The following SHROOM3 variants were observed in gnomAD, a reference collection of about 807,000 sequenced individuals.
SHROOM3 encodes protein Shroom3.
SHROOM3 carries 47 observed loss-of-function variants against 138.6 expected under a neutral mutation model. The ratio of observed to expected loss-of-function variants is 0.34; its 90% confidence interval spans 0.27 to 0.43. The LOEUF is 0.43. Ranked by LOEUF, SHROOM3 falls within the 20% of genes least tolerant of loss-of-function variation. SHROOM3 has a pLI of 1.00. For missense variants in SHROOM3, 2,491 were observed against 2,596.5 expected, an observed-to-expected ratio of 0.96 and a Z score of 0.88; for synonymous variants, 1,062 against 1,063.3, an observed-to-expected ratio of 1.00 and a Z score of 0.02.
chr4:76,736,575 C>G (rs941117192), intron 4 of SHROOM3, among the ~76,000 whole-genome samples: 1 of 152,124 alleles, frequency 6.6e-6, no homozygotes, highest in African/African-American at 2.4e-5. Context: ...TACATGTAAT[C>G]TAGAAATAGA....
chr4:76,672,011 T>C (rs1231347126), intron 2 of SHROOM3, among the ~76,000 whole-genome samples: 1 of 152,178 alleles, frequency 6.6e-6, no homozygotes, highest in East Asian at 1.9e-4. Context: ...GTATTAGGGA[T>C]ACTCAACATA....
chr4:76,661,587 C>T (rs572122113), intron 2 of SHROOM3, among the ~76,000 whole-genome samples: 3 of 152,252 alleles, frequency 2.0e-5, no homozygotes, highest in South Asian at 2.1e-4. Flanking sequence ...CTTTCCAGTC[C>T]GCTCTGCACC....
chr4:76,536,729 C>G (rs1290234031), intron 1 of SHROOM3, among the ~76,000 whole-genome samples: 1 of 152,212 alleles, frequency 6.6e-6, no homozygotes, highest in Non-Finnish European at 1.5e-5. Flanking sequence ...TCACTTCTCT[C>G]TCTTATTTTA....
At chr4:76,630,275 A>G (rs1735277601) in intron 2 of SHROOM3, among the ~76,000 whole-genome samples, 1 of 152,232 alleles carries the variant, frequency 6.6e-6, no homozygotes, top group Non-Finnish European at 1.5e-5. Flanking sequence ...CAGCGGGACC[A>G]GGAGTGCCTA....
At chr4:76,533,284 A>C (rs1732871677) in intron 1 of SHROOM3, among the ~76,000 whole-genome samples, 1 of 152,218 alleles carries the variant, frequency 6.6e-6, no homozygotes, top group Admixed American at 6.5e-5. Flanking sequence ...CCCTGGGCAC[A>C]GTTCCCTATT....
chr4:76,678,422 T>G (rs1304968964), intron 2 of SHROOM3, among the ~76,000 whole-genome samples: 1 of 152,196 alleles, frequency 6.6e-6, no homozygotes, highest in Non-Finnish European at 1.5e-5. Flanking sequence ...CTAGCAACTT[T>G]TCTTGCTTTT....
chr4:76,506,038 G>A lies in SHROOM3; in HGVS notation c.169-49571G>A, dbSNP rs953895070. On this transcript the variant is annotated intron_variant, in intron 1 of 10. Transcript: ENST00000296043. ...GCACATATACACCATAGAATACTAC[G>A]TAGCCATAAAAAAGGATGAGTTCAT... is the stretch of plus-strand genomic sequence containing the variant. Among the ~76,000 whole-genome samples the A allele has an allele frequency of 1.0e-3, 156 of 152,174 alleles. 1 individual carries two copies. The highest frequency in any genetic ancestry group is 6.5e-4 in the African/African-American group (27 of 41,498).
intron 2 of SHROOM3, among the ~76,000 whole-genome samples, chr4:76,690,748 T>G (rs1719505127): frequency 6.6e-6 from 1 of 152,160 alleles, no homozygotes; most frequent in South Asian, 2.1e-4. Flanking sequence ...AGGTGTAATA[T>G]ACAGAGAAAG....
At chr4:76,523,461 A>G (rs1386911173) in intron 1 of SHROOM3, among the ~76,000 whole-genome samples, 2 of 152,172 alleles carry the variant, frequency 1.3e-5, no homozygotes, top group Non-Finnish European at 2.9e-5. Flanking sequence ...AGCATGTACA[A>G]TGTAGCAAAA....
intron 1 of SHROOM3, chr4:76,509,816 A>G (rs1281351960): frequency 6.6e-6 from 1 of 152,148 alleles, no homozygotes; most frequent in Non-Finnish European, 1.5e-5. Context: ...AATTTTTTCC[A>G]TATAGAATTA....
At chr4:76,700,944 C>T (rs1022694396) in intron 2 of SHROOM3, among the ~76,000 whole-genome samples, 4 of 152,088 alleles carry the variant, frequency 2.6e-5, no homozygotes, top group African/African-American at 9.7e-5. Context: ...GCCACCACAA[C>T]CAGCTAGTTT....
In SHROOM3 at chr4:76,738,823, G is replaced by A; in HGVS notation, c.650G>A (p.Cys217Tyr). The A allele has an allele frequency of 6.2e-7, 1 of 1,614,190 alleles. No homozygotes were observed. The highest frequency in any genetic ancestry group is 8.5e-7 in the Non-Finnish European group (1 of 1,180,020). The stretch of plus-strand genomic sequence containing the variant: ...TATCTAAGGCGGAGCCCTGACCAGT[G>A]CAGCTCCCAGGGGAGCATGGAGAGC... Reference protein sequence around the residue: ...HAYLRRSPDQCSSQGSMESLE... With the variant: ...HAYLRRSPDQYSSQGSMESLE... Residue 217 changes from cysteine to tyrosine, a missense_variant, in exon 5 of 11, where the codon TGC becomes TAC. Transcript: ENST00000296043.
chr4:76,501,291 T>A (rs1344023275), intron 1 of SHROOM3, among the ~76,000 whole-genome samples: 1 of 152,232 alleles, frequency 6.6e-6, no homozygotes, highest in Non-Finnish European at 1.5e-5. Flanking sequence ...TTAATTTTAA[T>A]ATACTCTATA....
intron 1 of SHROOM3, among the ~76,000 whole-genome samples, chr4:76,554,539 C>A (rs924137963): frequency 6.6e-6 from 1 of 151,698 alleles, no homozygotes; most frequent in African/African-American, 2.4e-5. Flanking sequence ...CCTGCCTCAG[C>A]CTCCTGAGTA....
chr4:76,769,925 CTT>C (rs1272982293), intron 9 of SHROOM3, among the ~76,000 whole-genome samples: 1 of 152,198 alleles, frequency 6.6e-6, no homozygotes, highest in Non-Finnish European at 1.5e-5. Flanking sequence ...TCCTCTGACT[CTT>C]GGCCTATTTG....
chr4:76,683,276 G>T (rs1719249206), intron 2 of SHROOM3, among the ~76,000 whole-genome samples: 1 of 152,016 alleles, frequency 6.6e-6, no homozygotes, highest in Admixed American at 6.5e-5. Context: ...CAACATAAAT[G>T]AAACCATAAA....
At chr4:76,518,689 A>G (rs969763707) in intron 1 of SHROOM3, among the ~76,000 whole-genome samples, 39 of 152,294 alleles carry the variant, frequency 2.6e-4, no homozygotes, top group African/African-American at 9.1e-4. Context: ...TTTCTAAATG[A>G]GTACTGTAAC....
At chr4:76,499,631 C>T (rs1986734) in intron 1 of SHROOM3, among the ~76,000 whole-genome samples, 65,657 of 152,022 alleles carry the variant, frequency 0.43, 15,466 homozygotes, top group East Asian at 0.56. Context: ...TAGACATGCA[C>T]GCTAGGCTGC....
At chr4:76,473,410 C>A (rs1269287094) in intron 1 of SHROOM3, among the ~76,000 whole-genome samples, 2 of 152,050 alleles carry the variant, frequency 1.3e-5, no homozygotes, top group Non-Finnish European at 2.9e-5. Flanking sequence ...GAGTTTGAGA[C>A]CAGCCTGGGC....
Sources: gnomAD v4.1 joint callset for allele counts (sites outside exome capture counted in the v4.1 genomes callset) on GRCh38, gnomAD v4.1.1 for gene constraint, MANE v1.5 for transcripts, NCBI Gene and HGNC (gene_info 2026-07-23, HGNC 2026-07-21) for gene names.